Variants in TULP4 observed in about 807,000 individuals in gnomAD.
The protein encoded by TULP4 is TUB like protein 4, also known as tubby-related protein 4.
Under a neutral mutation model 129.0 loss-of-function variants are expected in TULP4, and 16 were observed. That is an observed-to-expected ratio of 0.12 (90% CI 0.08 to 0.19). TULP4 has a LOEUF of 0.19. Ranked by LOEUF, TULP4 falls within the 10% of genes least tolerant of loss-of-function variation. TULP4 has a pLI of 1.00. For missense variants in TULP4, 1,842 were observed against 2,059.1 expected (o/e 0.89, Z 2.04); for synonymous variants, 998 against 854.0 (o/e 1.17, Z -2.94).
At chr6:158,420,186 T>C (rs142900499) in intron 2 of TULP4, among the ~76,000 whole-genome samples, 2 of 152,366 alleles carry the variant, frequency 1.3e-5, no homozygotes, top group East Asian at 3.9e-4. Flanking sequence ...ATTTAAAATT[T>C]GATTTATGAA....
chr6:158,498,520 G>A (rs1275928603), intron 11 of TULP4, 149 bp from the exon 12 acceptor site: 3 of 898,008 alleles, frequency 3.3e-6, no homozygotes, highest in Non-Finnish European at 3.4e-6. Flanking sequence ...GAAATGAAGA[G>A]CTCCTCTCAG....
At chr6:158,401,187 C>T (rs1302371011) in intron 1 of TULP4, among the ~76,000 whole-genome samples, 1 of 152,056 alleles carries the variant, frequency 6.6e-6, no homozygotes, top group Admixed American at 6.5e-5. Context: ...CATCCTCCCA[C>T]CTCAGCCTCC....
At chr6:158,292,188 A>G (rs1382333772) in intron 1 of TULP4, among the ~76,000 whole-genome samples, 4 of 152,154 alleles carry the variant, frequency 2.6e-5, no homozygotes, top group Non-Finnish European at 5.9e-5. Flanking sequence ...AATGTGTGTG[A>G]CTCAGGTTCA....
chr6:158,409,046 T>G (rs1778027809), intron 1 of TULP4, among the ~76,000 whole-genome samples: 1 of 152,200 alleles, frequency 6.6e-6, no homozygotes, highest in Non-Finnish European at 1.5e-5. Flanking sequence ...GCTTCTTGTG[T>G]AAATCTATCA....
At chr6:158,265,685 G>GAA (rs35306645) in intron 1 of TULP4, among the ~76,000 whole-genome samples, 48 of 143,248 alleles carry the variant, frequency 3.4e-4, no homozygotes, top group South Asian at 1.6e-3. Context: ...CATCTCAGAA[G>GAA]AAAAAAAAAA....
chr6:158,409,462 T>C (rs1778041263), intron 1 of TULP4, among the ~76,000 whole-genome samples: 1 of 152,106 alleles, frequency 6.6e-6, no homozygotes, highest in Non-Finnish European at 1.5e-5. Flanking sequence ...ACATTCTCCT[T>C]GAAAAGGGAA....
chr6:158,498,602 C>A, intron 11 of TULP4, 67 bp from the exon 12 acceptor site: 1 of 1,594,296 alleles, frequency 6.3e-7, no homozygotes, highest in Non-Finnish European at 8.6e-7. Flanking sequence ...CTTCCTGTGA[C>A]TCTCTTGACA....
intron 1 of TULP4, among the ~76,000 whole-genome samples, chr6:158,236,795 C>CTTTTCTTTTTTTTTTTTTTTTTTTTTT (rs1554272522): frequency 1.7e-4 from 11 of 63,292 alleles, no homozygotes; most frequent in Non-Finnish European, 2.5e-4. Flanking sequence ...CAATTCTTTT[C>CTTTTCTTTTTTTTTTTTTTTTTTTTTT]TTTTTTTTTT....
intron 13 of TULP4, among the ~76,000 whole-genome samples, chr6:158,505,617 C>T (rs1179305999): frequency 6.6e-6 from 1 of 152,220 alleles, no homozygotes; most frequent in Non-Finnish European, 1.5e-5. Flanking sequence ...GACTGGGGAC[C>T]AGAGGCGGAT....
chr6:158,260,231 C>T (rs1778326535), intron 1 of TULP4, among the ~76,000 whole-genome samples: 1 of 152,198 alleles, frequency 6.6e-6, no homozygotes. Flanking sequence ...AAAGACACTC[C>T]TGTCACCCAG....
chr6:158,325,434 G>A (rs1453946422), intron 1 of TULP4, among the ~76,000 whole-genome samples: 8 of 147,468 alleles, frequency 5.4e-5, no homozygotes, highest in South Asian at 4.3e-4. Flanking sequence ...CTCACTGCAA[G>A]CTCTGCCTCT....
rs1204616619 is a variant in TULP4, at chr6:158,331,722, CACACACAT to C, written c.252+17457_252+17464del. ...ACACACACACACACACACACACACA[CACACACAT>C]ACGTATATATATACGTGTATATACA... On this transcript the variant is annotated intron_variant, in intron 1 of 13. Coordinates refer to ENST00000367097, the MANE Select transcript of TULP4 (RefSeq NM_020245.5). Among the ~76,000 whole-genome samples, 121 of 36,556 alleles carry C rather than the reference CACACACAT, an allele frequency of 3.3e-3. 29 individuals carry two copies. The highest frequency in any genetic ancestry group is 7.2e-3 in the African/African-American group (71 of 9,874). 24.0% of individuals were successfully genotyped at this position (36,556 alleles called of 152,430 possible).
chr6:158,441,540 G>A (rs1015895648), intron 3 of TULP4, among the ~76,000 whole-genome samples: 2 of 152,052 alleles, frequency 1.3e-5, no homozygotes, highest in Non-Finnish European at 2.9e-5. Context: ...GATCTTCCTG[G>A]GGTTCCACAT....
intron 1 of TULP4, among the ~76,000 whole-genome samples, chr6:158,254,298 A>G (rs1165890896): frequency 6.7e-6 from 1 of 149,180 alleles, no homozygotes; most frequent in Admixed American, 6.7e-5. Context: ...ATGCGCCACC[A>G]TGCCTGGCTA....
chr6:158,299,201 G>A lies in TULP4; in HGVS notation n.117-12850G>A, dbSNP rs2128474726. On this transcript the variant is annotated intron_variant and non_coding_transcript_variant, in intron 1 of 1. Transcript: ENST00000432358. ...GAAAAGGACGAGCTGAACCTCCTAT[G>A]CCAAGTAGGATGATGATCCTCGTCA... Among the ~76,000 whole-genome samples, 2 of 152,248 alleles carry A rather than the reference G, an allele frequency of 1.3e-5. 1 individual carries two copies. Among genetic ancestry groups the A allele is most frequent in the South Asian group, 4.2e-4 (2 of 4,816 alleles).
At chr6:158,376,586 G>A (rs1050844753) in intron 1 of TULP4, among the ~76,000 whole-genome samples, 7 of 152,202 alleles carry the variant, frequency 4.6e-5, no homozygotes, top group Non-Finnish European at 5.9e-5. Context: ...TCTCAAGAGG[G>A]AGGTTTCAGT....
intron 1 of TULP4, among the ~76,000 whole-genome samples, chr6:158,411,105 G>A (rs1329682462): frequency 2.1e-5 from 3 of 144,138 alleles, no homozygotes; most frequent in East Asian, 2.0e-4. Context: ...CTATGCGGTC[G>A]AGGCCAACTT....
At chr6:158,425,190 A>G (rs1217928496) in intron 2 of TULP4, among the ~76,000 whole-genome samples, 1 of 143,630 alleles carries the variant, frequency 7.0e-6, no homozygotes, top group Non-Finnish European at 1.5e-5. Flanking sequence ...AGACAATGTC[A>G]TACACCTACT....
intron 1 of TULP4, among the ~76,000 whole-genome samples, chr6:158,331,496 G>A (rs1287341181): frequency 1.1e-4 from 17 of 151,592 alleles, no homozygotes; most frequent in Non-Finnish European, 1.5e-5. Flanking sequence ...TGGTAGGTGG[G>A]CACCTCTTTA....
Sources: gnomAD v4.1 joint callset for allele counts (sites outside exome capture counted in the v4.1 genomes callset) on GRCh38, gnomAD v4.1.1 for gene constraint, MANE v1.5 for transcripts, NCBI Gene and HGNC (gene_info 2026-07-23, HGNC 2026-07-21) for gene names.